Variants in PLEKHG4 observed in about 807,000 individuals in gnomAD.
PLEKHG4 encodes the protein pleckstrin homology and RhoGEF domain containing G4.
In PLEKHG4, 85 loss-of-function variants were observed where a neutral mutation model predicts 136.9. The ratio of observed to expected loss-of-function variants is 0.62; its 90% CI spans 0.52 to 0.74. PLEKHG4 has a LOEUF of 0.74. Ranked by LOEUF, PLEKHG4 falls within the 30% of genes least tolerant of loss-of-function variation. The probability of loss-of-function intolerance (pLI) is 0.00; values close to 1 mark genes in which losing one functional copy is unlikely to be tolerated. For missense variants in PLEKHG4, 1,317 were observed against 1,527.8 expected, an observed-to-expected ratio of 0.86 and a Z score of 2.30; for synonymous variants, 577 against 646.9, an observed-to-expected ratio of 0.89 and a Z score of 1.64.
Position 67,281,093 on chromosome 16 carries a change from C to T in PLEKHG4, c.722C>T (p.Pro241Leu), listed in dbSNP as rs1021764688. 1 of 1,614,084 alleles carries T rather than the reference C, an allele frequency of 6.2e-7. No individual in the cohort carries two copies. The highest frequency in any genetic ancestry group is 1.3e-5 in the African/African-American group (1 of 75,032). The change falls in exon 5 of 22, where the codon CCC becomes CTC. Residue 241 changes from proline (P) to leucine (L), a missense_variant and splice_region_variant. Coordinates refer to ENST00000379344, the MANE Select transcript of PLEKHG4 (RefSeq NM_001129729.3). ...LLLYLRSIPR[P>L]EVQALGLTVL... The stretch of plus-strand genomic sequence containing the variant: ...TGAACTGAAGCTCACCCCTTTAGGC[C>T]CGAAGTACAGGCACTGGGACTGACA...
Position 67,282,651 on chromosome 16 carries a change from A to G in PLEKHG4, c.1392+10A>G. 6.2e-7 allele frequency: 1 copy of G among 1,613,798 alleles called. No individual in the cohort carries two copies. Among genetic ancestry groups the G allele is most frequent in the Non-Finnish European group, 8.5e-7 (1 of 1,180,032 alleles). On this transcript the variant is annotated intron_variant, in intron 10 of 21. Transcript: ENST00000379344. ...AAGCGGACTGCACCAGGTCGGAACT[A>G]CTTGCCCAGAGTGGGCCCTGCCCCG...
Position 67,289,160 on chromosome 16 carries a change from C to A in PLEKHG4, c.*352C>A, listed in dbSNP as rs559217874. On this transcript the variant is annotated 3_prime_UTR_variant, in exon 22 of 22. Coordinates refer to ENST00000379344, the MANE Select transcript of PLEKHG4 (RefSeq NM_001129729.3). ...GCCTCTAGGCAGTGACTAGGGTGCC[C>A]CCACCCCTCAGGAAGAACACAGGTG... 1.3e-5 allele frequency: 6 copies of A among 471,850 alleles called. No homozygotes were observed. In the South Asian group the frequency reaches 1.3e-4, roughly 10 times the overall value. 29.2% of individuals were successfully genotyped at this position (471,850 alleles called of 1,614,324 possible).
intron 11 of PLEKHG4, 150 bp downstream of exon 11, chr16:67,283,008 T>C (rs1239967684): frequency 1.4e-6 from 1 of 702,270 alleles, no homozygotes; most frequent in East Asian, 2.7e-5. Flanking sequence ...CACAGTCATA[T>C]ATGTGCCTGT....
chr16:67,285,636 C>A, intron 14 of PLEKHG4, 100 bp downstream of exon 14: 1 of 1,419,336 alleles, frequency 7.0e-7, no homozygotes, highest in Non-Finnish European at 9.8e-7. Context: ...ATGAGTATAG[C>A]TATGAGCAAG....
upstream of PLEKHG4, chr16:67,279,209 G>A (rs2036092823): frequency 6.6e-6 from 1 of 152,140 alleles, no homozygotes; most frequent in Non-Finnish European, 1.5e-5. Context: ...CGCCAGGCCC[G>A]GGGAGTGGGC....
In PLEKHG4 at chr16:67,284,392, A is replaced by G. The variant is rs2142455896; in HGVS notation, c.1627A>G (p.Arg543Gly). The G allele has an allele frequency of 2.5e-6, 4 of 1,614,090 alleles. No homozygotes were observed. In the South Asian group the frequency reaches 3.3e-5, roughly 13 times the overall value. ...GCGAGCCCAGCTGACTGAATTCTCT[A>G]GGGCTTTGGCCCAGCGGTGCCAGCG... ...ALRAQLTEFS[R>G]ALAQRCQRLA... The change falls in exon 12 of 22, where the codon AGG becomes GGG. Residue 543 changes from arginine (R) to glycine (G), a missense_variant. By Grantham distance (125) the Arg-to-Gly change is moderately radical (BLOSUM62 -2). Transcript: ENST00000379344. This position sits in a 1 kb window ranked among gnomAD's most constrained non-coding sequence, Gnocchi z 4.4.
intron 18 of PLEKHG4, among the ~76,000 whole-genome samples, chr16:67,287,405 CTCTT>C (rs767996530): frequency 9.9e-5 from 15 of 152,230 alleles, no homozygotes; most frequent in Non-Finnish European, 1.8e-4. Context: ...GGCTCTCTCT[CTCTT>C]TATTTTTGGA....
intron 16 of PLEKHG4, 39 bp from the exon 17 acceptor site, chr16:67,286,710 C>A: frequency 6.2e-7 from 1 of 1,603,108 alleles, no homozygotes; most frequent in Non-Finnish European, 8.5e-7. Context: ...AAGAAGAAGG[C>A]AGAAGAGGCT....
In PLEKHG4 at chr16:67,279,946, T is replaced by C; in HGVS notation, c.-99T>C. ...CTGCGGCCCATGCCCTTCGCCTGCA[T>C]TGCCCACTGAGTCCCACTCGACTGT... On this transcript the variant is annotated 5_prime_UTR_variant, in exon 2 of 22. Transcript: ENST00000379344. The C allele has an allele frequency of 7.8e-7, 1 of 1,274,740 alleles. No individual in the cohort carries two copies. The highest frequency in any genetic ancestry group is 1.1e-6 in the Non-Finnish European group (1 of 917,156). 79.0% of individuals were successfully genotyped at this position (1,274,740 alleles called of 1,614,324 possible).
Position 67,279,975 on chromosome 16 carries a change from C to A in PLEKHG4, c.-70C>A. 6.6e-7 allele frequency: 1 copy of A among 1,512,726 alleles called. No homozygotes were observed. The highest frequency in any genetic ancestry group is 9.0e-7 in the Non-Finnish European group (1 of 1,110,136). The allele number at this position is 1,512,726 out of a possible 1,614,324, so 93.7% of individuals were successfully genotyped here. A position where few individuals can be genotyped will look rare whatever the true frequency, so the allele number is the denominator to read the frequency against. The stretch of plus-strand genomic sequence containing the variant: ...CCACTGAGTCCCACTCGACTGTCTT[C>A]AGCGCGGTTCACACTGAGACCCAGC... On this transcript the variant is annotated 5_prime_UTR_variant, in exon 2 of 22. Transcript: ENST00000379344.
At chr16:67,283,545 C>T (rs199834521) in intron 11 of PLEKHG4, among the ~76,000 whole-genome samples, 61 of 151,900 alleles carry the variant, frequency 4.0e-4, no homozygotes, top group East Asian at 1.2e-3. Context: ...GCAGGGGAGA[C>T]GGGTTGGAGA....
At chr16:67,279,502 C>T (rs1224700953), upstream of PLEKHG4, 1 of 151,938 alleles carries the variant, frequency 6.6e-6, no homozygotes, top group South Asian at 2.1e-4. Flanking sequence ...GCACTGCCCT[C>T]CCTTCCCAGC....
upstream of PLEKHG4, chr16:67,278,728 T>G (rs2036075039): frequency 6.6e-6 from 1 of 152,086 alleles, no homozygotes; most frequent in Admixed American, 6.6e-5. Context: ...AAAATGACTT[T>G]CCATTTTTAC....
rs759023619 is a variant in PLEKHG4, at chr16:67,284,931, G to A, written c.1911G>A (p.Leu637=). 4 of 1,612,698 alleles carry A rather than the reference G, an allele frequency of 2.5e-6. No homozygotes were observed. The highest frequency in any genetic ancestry group is 2.7e-5 in the African/African-American group (2 of 74,920). Residue 637 remains leucine, a synonymous_variant, in exon 13 of 22, where the codon CTG becomes CTA. Transcript: ENST00000379344. The surrounding 1 kb of genome is among the most constrained non-coding windows in gnomAD (Gnocchi z 4.4). ...WAWARCQDTW[L]ALDQKLEASL... Reference sequence around the variant, plus strand: ...GGGCGCGGTGCCAGGACACCTGGCTGGCCCTGGACCAAAAGCTTGAGGCTT... The same window carrying A: ...GGGCGCGGTGCCAGGACACCTGGCTAGCCCTGGACCAAAAGCTTGAGGCTT...
At chr16:67,279,416 C>G (rs955438508), upstream of PLEKHG4, 2 of 151,820 alleles carry the variant, frequency 1.3e-5, no homozygotes, top group African/African-American at 4.8e-5. Flanking sequence ...GGCTGTGCCC[C>G]GTCGAGACCT....
At position 67,287,040 on chromosome 16, in the gene PLEKHG4, A is replaced by C; in HGVS notation, c.2966A>C (p.Asn989Thr). 1 of 1,613,504 alleles carries C rather than the reference A, an allele frequency of 6.2e-7. No individual in the cohort carries two copies. Among genetic ancestry groups the C allele is most frequent in the Non-Finnish European group, 8.5e-7 (1 of 1,180,028 alleles). The change falls in exon 18 of 22, where the codon AAC becomes ACC. Residue 989 changes from asparagine to threonine, a missense_variant. Coordinates refer to ENST00000379344, the MANE Select transcript of PLEKHG4 (RefSeq NM_001129729.3). ...LGLTECCGNSNLRFEIWFRRR... is the reference protein window; with the variant it reads ...LGLTECCGNSTLRFEIWFRRR... ...CTCACTGAGTGCTGTGGGAACAGCA[A>C]CCTGCGCTTCGAGATCTGGTTCCGC...
Position 67,289,314 on chromosome 16 carries a change from G to T in PLEKHG4, c.*506G>T. 2 of 445,114 alleles carry T rather than the reference G, an allele frequency of 4.5e-6. No individual in the cohort carries two copies. The highest frequency in any genetic ancestry group is 7.0e-5 in the South Asian group (2 of 28,482). The allele number at this position is 445,114 out of a possible 1,614,324, so 27.6% of individuals were successfully genotyped here. ...CCCAGGCCCAGCCCCTTTTTACTGG[G>T]GCAGTTTCGTTATTTTGACTTGATG... On this transcript the variant is annotated 3_prime_UTR_variant, in exon 22 of 22. Coordinates refer to ENST00000379344, the MANE Select transcript of PLEKHG4 (RefSeq NM_001129729.3).
Position 67,286,929 on chromosome 16 carries a change from C to T in PLEKHG4, c.2925+10C>T, listed in dbSNP as rs1409243083. 3 of 1,613,194 alleles carry T rather than the reference C, an allele frequency of 1.9e-6. No homozygotes were observed. The highest frequency in any genetic ancestry group is 2.5e-6 in the Non-Finnish European group (3 of 1,179,694). The stretch of plus-strand genomic sequence containing the variant: ...CAAGCGCTCCTTCAAGGTAGGCCTG[C>T]CCACCCCAGGCCCCACCACTTGTTT... On this transcript the variant is annotated intron_variant, in intron 17 of 21. Coordinates refer to ENST00000379344, the MANE Select transcript of PLEKHG4 (RefSeq NM_001129729.3).
In PLEKHG4 at chr16:67,286,829, C is replaced by G; in HGVS notation, c.2835C>G (p.Arg945=). Residue 945 remains arginine (R), a synonymous_variant, in exon 17 of 22, where the codon CGC becomes CGG. Coordinates refer to ENST00000379344, the MANE Select transcript of PLEKHG4 (RefSeq NM_001129729.3). ...CTGGGCGCCACAAGTCCGTGCGCCG[C>G]ATCTTCCTTTTTGAGGAGCTGCTGC... ...VRTGRHKSVR[R]IFLFEELLLF... The G allele has an allele frequency of 6.2e-7, 1 of 1,614,070 alleles. No individual in the cohort carries two copies.
Sources: gnomAD v4.1 joint callset for allele counts (sites outside exome capture counted in the v4.1 genomes callset) on GRCh38, gnomAD v4.1.1 for gene constraint, Gnocchi (gnomAD v3.1) non-coding constraint, MANE v1.5 for transcripts, NCBI Gene and HGNC (gene_info 2026-07-23, HGNC 2026-07-21) for gene names.